CCDC62: variants seen among roughly 807,000 people sequenced by gnomAD.
The protein encoded by CCDC62 is coiled-coil domain containing 62.
A neutral mutation model predicts 80.8 loss-of-function variants in CCDC62; 72 were observed. That is an observed-to-expected ratio of 0.89 (90% CI 0.74 to 1.08). The LOEUF is 1.08. Ranked by LOEUF, CCDC62 falls within the 50% of genes least tolerant of loss-of-function variation. The probability of loss-of-function intolerance (pLI) is 0.00; values close to 1 mark genes in which losing one functional copy is unlikely to be tolerated. For missense variants in CCDC62, 704 were observed against 809.4 expected (o/e 0.87, Z 1.58); for synonymous variants, 286 against 296.5 (o/e 0.96, Z 0.36).
intron 3 of CCDC62, among the ~76,000 whole-genome samples, chr12:122,781,554 A>G (rs1201841144): frequency 1.3e-5 from 2 of 152,006 alleles, no homozygotes; most frequent in Admixed American, 1.3e-4. Context: ...GCGTGGTGGC[A>G]CACGCCTGTA....
chr12:122,781,015 A>T, intron 2 of CCDC62, 149 bp from the exon 3 acceptor site: 1 of 611,228 alleles, frequency 1.6e-6, no homozygotes. Context: ...ATTAGGTGTG[A>T]TATTGTGCAT....
chr12:122,794,839 T>C (rs1333160903), intron 6 of CCDC62, among the ~76,000 whole-genome samples: 1 of 152,054 alleles, frequency 6.6e-6, no homozygotes, highest in Non-Finnish European at 1.5e-5. Context: ...TTTTATTTTA[T>C]TTATTTTTAG....
chr12:122,805,372 T>C (rs1488833704), intron 9 of CCDC62, among the ~76,000 whole-genome samples: 3 of 136,014 alleles, frequency 2.2e-5, no homozygotes, highest in Non-Finnish European at 3.1e-5. Context: ...TGAGACAGAG[T>C]GTCTCTCTGT....
Position 122,801,341 on chromosome 12 carries a change from T to G in CCDC62, c.1195T>G (p.Phe399Val), listed in dbSNP as rs1390590283. 2 of 1,614,064 alleles carry G rather than the reference T, an allele frequency of 1.2e-6. No homozygotes were observed. The highest frequency in any genetic ancestry group is 1.7e-5 in the Admixed American group (1 of 59,978). The change falls in exon 9 of 13, where the codon TTC becomes GTC. Residue 399 changes from phenylalanine to valine, a missense_variant. Coordinates refer to ENST00000253079, the MANE Select transcript of CCDC62 (RefSeq NM_201435.5). Reference protein sequence around the residue: ...EKSVITLSSIFTKDLVEKHNL... With the variant: ...EKSVITLSSIVTKDLVEKHNL... ...AAGTGTAATTACGCTGTCATCCATATTCACCAAAGACTTAGTAGAGAAACA... is the reference window on the plus strand; with the variant it reads ...AAGTGTAATTACGCTGTCATCCATAGTCACCAAAGACTTAGTAGAGAAACA...
rs1487645028 is a variant in CCDC62, at chr12:122,801,287, C to G, written c.1141C>G (p.Gln381Glu). 2 of 1,614,004 alleles carry G rather than the reference C, an allele frequency of 1.2e-6. No individual in the cohort carries two copies. The highest frequency in any genetic ancestry group is 1.7e-6 in the Non-Finnish European group (2 of 1,180,030). ...TTGCGATGAATGCAAAGAGAAGAAACAACAGATCGATACTGTGTTTGGGGA... is the reference window on the plus strand; with the variant it reads ...TTGCGATGAATGCAAAGAGAAGAAAGAACAGATCGATACTGTGTTTGGGGA... ...SSCDECKEKK[Q>E]QIDTVFGEKS... Residue 381 changes from glutamine to glutamate, a missense_variant, in exon 9 of 13, where the codon CAA (glutamine) becomes GAA (glutamate). Coordinates refer to ENST00000253079, the MANE Select transcript of CCDC62 (RefSeq NM_201435.5).
chr12:122,803,253 G>A (rs933200219), intron 9 of CCDC62, among the ~76,000 whole-genome samples: 1 of 152,106 alleles, frequency 6.6e-6, no homozygotes, highest in African/African-American at 2.4e-5. Flanking sequence ...ATCTGTTTGA[G>A]ACTTTACATT....
chr12:122,794,470 T>A (rs879417065), intron 6 of CCDC62, among the ~76,000 whole-genome samples: 5 of 152,196 alleles, frequency 3.3e-5, no homozygotes, highest in Non-Finnish European at 7.3e-5. Flanking sequence ...CCCAAAGCGT[T>A]GGGATTACAG....
intron 2 of CCDC62, among the ~76,000 whole-genome samples, chr12:122,778,105 A>C (rs1302037051): frequency 6.6e-6 from 1 of 152,042 alleles, no homozygotes; most frequent in Non-Finnish European, 1.5e-5. Flanking sequence ...AGTGGCTCAC[A>C]CCTGTAATTC....
intron 10 of CCDC62, among the ~76,000 whole-genome samples, chr12:122,811,469 C>T (rs936163771): frequency 2.7e-5 from 4 of 150,742 alleles, no homozygotes; most frequent in Admixed American, 1.3e-4. Context: ...CCTCAGCCTC[C>T]CAAAGTGCTG....
Position 122,806,258 on chromosome 12 carries a change from T to C in CCDC62, c.1814T>C (p.Leu605Ser). 5.0e-6 allele frequency: 8 copies of C among 1,613,148 alleles called. No individual in the cohort carries two copies. Among genetic ancestry groups the C allele is most frequent in the Non-Finnish European group, 6.8e-6 (8 of 1,179,474 alleles). The change falls in exon 10 of 13, where the codon TTG (leucine) becomes TCG (serine). Residue 605 changes from leucine to serine, a missense_variant. Transcript: ENST00000253079. ...SSNKKNSPTS[L>S]LIYKDAPAFN... ...AATAAAAAGAACTCACCTACGAGTTTGTTAATCTACAAAGATGCACCAGCA... is the reference window on the plus strand; with the variant it reads ...AATAAAAAGAACTCACCTACGAGTTCGTTAATCTACAAAGATGCACCAGCA...
At chr12:122,810,246 G>A (rs542580180) in intron 10 of CCDC62, among the ~76,000 whole-genome samples, 3,211 of 152,064 alleles carry the variant, frequency 0.021, 104 homozygotes, top group African/African-American at 0.073. Flanking sequence ...TACAGAATGG[G>A]AGAAAATTTT....
chr12:122,807,980 A>C (rs1176682551), intron 10 of CCDC62, among the ~76,000 whole-genome samples: 1 of 152,158 alleles, frequency 6.6e-6, no homozygotes, highest in African/African-American at 2.4e-5. Context: ...TGGATATATT[A>C]GGTTGATGCA....
At chr12:122,815,568 TC>T in intron 11 of CCDC62, among the ~76,000 whole-genome samples, 1 of 152,186 alleles carries the variant, frequency 6.6e-6, no homozygotes, top group Non-Finnish European at 1.5e-5. Flanking sequence ...TGCCTCAGCC[TC>T]CCGAGTAGCT....
In CCDC62 at chr12:122,787,375, C is replaced by T. The variant is rs146127864; in HGVS notation, c.499-1383C>T. Among the ~76,000 whole-genome samples the T allele has an allele frequency of 9.2e-4, 139 of 150,990 alleles. 1 individual carries two copies. The highest frequency in any genetic ancestry group is 3.2e-3 in the African/African-American group (130 of 41,052). ...CTGGGGTGGGAGGATCCCCGGAAGC[C>T]GGGAGGTGGAGGTTGCAGTGAGCTG... is the stretch of plus-strand genomic sequence containing the variant. On this transcript the variant is annotated intron_variant, in intron 4 of 12. Transcript: ENST00000253079.
chr12:122,775,093 CA>C (rs36059141), intron 1 of CCDC62, among the ~76,000 whole-genome samples: 947 of 60,450 alleles, frequency 0.016, 3 homozygotes, highest in African/African-American at 0.044. Flanking sequence ...GACTCCGTCT[CA>C]AAAAAAAAAA....
At chr12:122,811,743 A>AC (rs1281879761) in intron 10 of CCDC62, among the ~76,000 whole-genome samples, 2 of 144,736 alleles carry the variant, frequency 1.4e-5, no homozygotes, top group Non-Finnish European at 3.0e-5. Flanking sequence ...AATTGCTTGA[A>AC]CCCGGGAGTT....
chr12:122,775,881 G>A (rs1879419554), intron 1 of CCDC62, among the ~76,000 whole-genome samples: 1 of 152,192 alleles, frequency 6.6e-6, no homozygotes, highest in African/African-American at 2.4e-5. Context: ...CCAAAGTGCT[G>A]GGATTACAGG....
intron 10 of CCDC62, among the ~76,000 whole-genome samples, chr12:122,810,335 C>T (rs1220142806): frequency 2.6e-5 from 4 of 152,154 alleles, no homozygotes; most frequent in African/African-American, 9.7e-5. Flanking sequence ...AAAAAACAAA[C>T]AACCCCATCA....
At chr12:122,795,969 T>C (rs918755945) in intron 6 of CCDC62, among the ~76,000 whole-genome samples, 1 of 152,138 alleles carries the variant, frequency 6.6e-6, no homozygotes, top group Admixed American at 6.6e-5. Context: ...CAGCAGAGAG[T>C]TCCTTACCTC....
Sources: gnomAD v4.1 joint callset for allele counts (sites outside exome capture counted in the v4.1 genomes callset) on GRCh38, gnomAD v4.1.1 for gene constraint, MANE v1.5 for transcripts, NCBI Gene and HGNC (gene_info 2026-07-23, HGNC 2026-07-21) for gene names.